NTAQ1: variants seen among roughly 807,000 people sequenced by gnomAD.
The protein encoded by NTAQ1 is protein N-terminal glutamine amidohydrolase.
In NTAQ1, 21 loss-of-function variants were observed where a neutral mutation model predicts 28.2. The ratio of observed to expected loss-of-function variants is 0.74; its 90% CI spans 0.53 to 1.07. The LOEUF (loss-of-function observed/expected upper bound fraction) is 1.07, where lower values mean the gene tolerates loss of function less well. Among genes scored for constraint, NTAQ1 ranks in the 50% least tolerant of loss-of-function variants. The pLI is 0.00. For synonymous variants in NTAQ1, 105 were observed against 90.0 expected, an observed-to-expected ratio of 1.17 and a Z score of -0.94; for missense variants, 264 against 256.6, an observed-to-expected ratio of 1.03 and a Z score of -0.20.
chr8:123,458,610 A>G (rs1815724338), intron 6 of NTAQ1, among the ~76,000 whole-genome samples: 1 of 151,508 alleles, frequency 6.6e-6, no homozygotes, highest in South Asian at 2.1e-4. Flanking sequence ...CAGGAAAAAT[A>G]GTTGGTACTT....
intron 3 of NTAQ1, among the ~76,000 whole-genome samples, chr8:123,435,011 T>A (rs1048181414): frequency 2.0e-5 from 3 of 152,170 alleles, no homozygotes; most frequent in Non-Finnish European, 4.4e-5. Flanking sequence ...TACCTCAGGA[T>A]TTATACAGGG....
In NTAQ1 at chr8:123,423,462, C is replaced by T. The variant is rs144021223; in HGVS notation, c.84-4462C>T. 6.4e-5 allele frequency among the ~76,000 whole-genome samples: 9 copies of T among 139,806 alleles called. No homozygotes were observed. The South Asian group carries it at 8.5e-4, about 13-fold the overall frequency. The allele number at this position is 139,806 out of a possible 152,430, so 91.7% of individuals were successfully genotyped here. On this transcript the variant is annotated intron_variant, in intron 1 of 5. Transcript: ENST00000287387. ...TTCTTTCTTTCTTTCTTTTTCTTTC[C>T]GGAGGGTCTTGCTACATTGCCTAGG... is the stretch of plus-strand genomic sequence containing the variant.
intron 3 of NTAQ1, chr8:123,435,348 G>T: frequency 2.2e-6 from 1 of 446,472 alleles, no homozygotes; most frequent in Non-Finnish European, 3.0e-6. Flanking sequence ...ATGAAAGCTT[G>T]GCTAACTTCT....
intron 6 of NTAQ1, among the ~76,000 whole-genome samples, chr8:123,458,397 A>T (rs1478559783): frequency 6.6e-6 from 1 of 151,968 alleles, no homozygotes; most frequent in Non-Finnish European, 1.5e-5. Context: ...TAACCCTTTG[A>T]TTGGGCTGCT....
chr8:123,437,031 G>T (rs3779985), intron 4 of NTAQ1, among the ~76,000 whole-genome samples, 179 bp from the exon 5 acceptor site: 108,608 of 151,796 alleles, frequency 0.72, 39,172 homozygotes, highest in East Asian at 0.93. Flanking sequence ...CTGTTTCGGG[G>T]TTTGGTTGAT....
At chr8:123,421,932 G>C (rs13252934) in intron 1 of NTAQ1, among the ~76,000 whole-genome samples, 1 of 151,532 alleles carries the variant, frequency 6.6e-6, no homozygotes, top group Non-Finnish European at 1.5e-5. Context: ...CGCCTGCCTC[G>C]GCCTCCCAAA....
At chr8:123,455,419 A>T (rs1815619435) in intron 6 of NTAQ1, among the ~76,000 whole-genome samples, 1 of 141,772 alleles carries the variant, frequency 7.1e-6, no homozygotes, top group Non-Finnish European at 1.5e-5. Context: ...CCATGCCCAG[A>T]AATTTTTTTT....
chr8:123,431,597 T>C (rs1814400327), intron 3 of NTAQ1, among the ~76,000 whole-genome samples: 1 of 152,196 alleles, frequency 6.6e-6, no homozygotes, highest in South Asian at 2.1e-4. Context: ...TGATCTTGCA[T>C]GAAAGCTGCT....
intron 6 of NTAQ1, among the ~76,000 whole-genome samples, chr8:123,464,230 A>T (rs1481362663): frequency 2.0e-5 from 3 of 152,202 alleles, no homozygotes; most frequent in Non-Finnish European, 4.4e-5. Flanking sequence ...CTGGGTCTTT[A>T]TACCCCTAAA....
At chr8:123,440,146 CTTTTTTTTT>C (rs577877415) in intron 5 of NTAQ1, among the ~76,000 whole-genome samples, 10 of 56,572 alleles carry the variant, frequency 1.8e-4, no homozygotes, top group African/African-American at 6.0e-4. Context: ...GGATTAACTC[CTTTTTTTTT>C]TTTTTTTTTT....
downstream of NTAQ1, among the ~76,000 whole-genome samples, chr8:123,444,599 C>T (rs199859339): frequency 2.6e-5 from 4 of 152,198 alleles, no homozygotes; most frequent in East Asian, 1.9e-4. Context: ...CTCTGCCTCC[C>T]GGGTTCACGC....
downstream of NTAQ1, among the ~76,000 whole-genome samples, chr8:123,452,958 T>C (rs1586964486): frequency 6.6e-6 from 1 of 152,208 alleles, no homozygotes; most frequent in East Asian, 1.9e-4. Context: ...GGAGCACTCA[T>C]AGCAGAACTT....
At chr8:123,470,019 G>T (rs1053760775) in exon 7 of NTAQ1, among the ~76,000 whole-genome samples, 3 of 152,224 alleles carry the variant, frequency 2.0e-5, no homozygotes, top group Admixed American at 2.0e-4. Context: ...AGATATAAAT[G>T]AGGTCATGAA....
intron 2 of NTAQ1, among the ~76,000 whole-genome samples, chr8:123,429,478 G>A (rs1010733146): frequency 2.0e-5 from 3 of 152,020 alleles, no homozygotes; most frequent in South Asian, 2.1e-4. Context: ...CGGCTGAGGC[G>A]GGCAGATCTC....
At chr8:123,418,305 G>A (rs752059120) in intron 1 of NTAQ1, among the ~76,000 whole-genome samples, 1 of 152,076 alleles carries the variant, frequency 6.6e-6, no homozygotes, top group Non-Finnish European at 1.5e-5. Context: ...ACAAAAATTA[G>A]CCAGGTGTGG....
At chr8:123,428,578 G>T (rs1442869860) in intron 2 of NTAQ1, among the ~76,000 whole-genome samples, 1 of 150,698 alleles carries the variant, frequency 6.6e-6, no homozygotes, top group Non-Finnish European at 1.5e-5. Context: ...ATGTAGACCT[G>T]TTTTTTTTTG....
At chr8:123,437,449 A>T in intron 5 of NTAQ1, 115 bp downstream of exon 5, 1 of 1,454,578 alleles carries the variant, frequency 6.9e-7, no homozygotes, top group Non-Finnish European at 9.2e-7. Flanking sequence ...CCATGAGTGA[A>T]TCCCAGCACT....
intron 6 of NTAQ1, chr8:123,454,973 A>C (rs1815605311): frequency 6.6e-6 from 1 of 152,248 alleles, no homozygotes; most frequent in South Asian, 2.1e-4. Context: ...GTGATTAGGA[A>C]AAGGAAATCC....
At chr8:123,457,576 T>C (rs1404929000) in intron 6 of NTAQ1, among the ~76,000 whole-genome samples, 2 of 152,338 alleles carry the variant, frequency 1.3e-5, no homozygotes, top group South Asian at 2.1e-4. Context: ...CTTATATTTG[T>C]ACAGAATATC....
Sources: gnomAD v4.1 joint callset for allele counts (sites outside exome capture counted in the v4.1 genomes callset) on GRCh38, gnomAD v4.1.1 for gene constraint, MANE v1.5 for transcripts, NCBI Gene and HGNC (gene_info 2026-07-23, HGNC 2026-07-21) for gene names.